UPF3B: variants seen among roughly 807,000 people sequenced by gnomAD.
UPF3B encodes UPF3B regulator of nonsense mediated mRNA decay.
A neutral mutation model predicts 40.3 loss-of-function variants in UPF3B; 7 were observed. That is an observed-to-expected ratio of 0.17 (90% CI 0.10 to 0.33). The LOEUF is 0.33. UPF3B is among the 10% of genes least tolerant of loss of function. UPF3B has a pLI of 1.00. For missense variants in UPF3B, 229 were observed against 358.9 expected, an observed-to-expected ratio of 0.64 and a Z score of 2.93; for synonymous variants, 117 against 117.3, an observed-to-expected ratio of 1.00 and a Z score of 0.01.
intron 6 of UPF3B, chrX:119,807,459 G>T: frequency 1.1e-6 from 1 of 884,389 alleles, no homozygotes; most frequent in Non-Finnish European, 1.4e-6. Flanking sequence ...TCTTTTCTAT[G>T]GTTAATATCA....
At chrX:119,842,677 C>CA (rs1324111617) in intron 5 of UPF3B, among the ~76,000 whole-genome samples, 1 of 106,782 alleles carries the variant, frequency 9.4e-6, no homozygotes, top group Non-Finnish European at 1.9e-5. Context: ...AACAAACAAA[C>CA]AAAAAAACCC....
At chrX:119,836,974 C>T (rs7890509) in intron 10 of UPF3B, among the ~76,000 whole-genome samples, 5,545 of 105,876 alleles carry the variant, frequency 0.052, 337 homozygotes, top group African/African-American at 0.18. Flanking sequence ...GACTGAGTCT[C>T]GCTCTGTTGC....
intron 5 of UPF3B, among the ~76,000 whole-genome samples, chrX:119,810,244 A>C (rs1022969603): frequency 2.7e-5 from 3 of 112,432 alleles, no homozygotes; most frequent in Admixed American, 9.5e-5. Context: ...CAAAGAACAG[A>C]GCTTTCAATG....
intron 5 of UPF3B, among the ~76,000 whole-genome samples, chrX:119,842,576 T>TCACACACACA (rs1491435021): frequency 1.4e-4 from 9 of 66,245 alleles, no homozygotes; most frequent in African/African-American, 8.0e-4. Flanking sequence ...CAAGACTCCA[T>TCACACACACA]CTCTCACACA....
At chrX:119,833,706 A>G (rs1004325160), downstream of UPF3B, among the ~76,000 whole-genome samples, 51 of 112,262 alleles carry the variant, frequency 4.5e-4, no homozygotes, top group African/African-American at 1.6e-3. Flanking sequence ...GGGTTTCACC[A>G]TGTTGGCCAG....
intron 6 of UPF3B, 32 bp from the exon 7 acceptor site, chrX:119,841,290 T>C (rs750744213): frequency 4.1e-5 from 49 of 1,199,140 alleles, no homozygotes; most frequent in Non-Finnish European, 5.4e-5. Context: ...AGCCTTCAAA[T>C]AAAATAATCA....
At chrX:119,811,474 C>T (rs779179338) in intron 5 of UPF3B, among the ~76,000 whole-genome samples, 89 of 109,611 alleles carry the variant, frequency 8.1e-4, no homozygotes, top group Non-Finnish European at 1.5e-3. Flanking sequence ...GGTGAAACCC[C>T]GTCTCTACTA....
chrX:119,811,726 C>A (rs920215308), intron 5 of UPF3B, among the ~76,000 whole-genome samples: 6 of 110,004 alleles, frequency 5.5e-5, no homozygotes, highest in African/African-American at 2.0e-4. Context: ...CTAAGGTGGG[C>A]GGATTGCTTG....
At chrX:119,845,461 A>G (rs1368416471) in intron 3 of UPF3B, among the ~76,000 whole-genome samples, 165 bp from the exon 4 acceptor site, 1 of 112,360 alleles carries the variant, frequency 8.9e-6, no homozygotes. Context: ...AACATACTAC[A>G]AAAGGAGCCA....
At chrX:119,811,956 G>C (rs1279995964) in intron 5 of UPF3B, among the ~76,000 whole-genome samples, 1 of 100,519 alleles carries the variant, frequency 9.9e-6, no homozygotes, top group Non-Finnish European at 2.0e-5. Flanking sequence ...TACCTCAAAA[G>C]AAAAAAAAAA....
intron 4 of UPF3B, among the ~76,000 whole-genome samples, chrX:119,816,355 C>G (rs1270076092): frequency 9.0e-6 from 1 of 111,625 alleles, no homozygotes; most frequent in Admixed American, 9.6e-5. Flanking sequence ...CGCGACCCTT[C>G]TGACATTGTG....
At chrX:119,813,348 T>A (rs1025250853) in intron 5 of UPF3B, among the ~76,000 whole-genome samples, 8 of 109,707 alleles carry the variant, frequency 7.3e-5, no homozygotes, top group Non-Finnish European at 1.3e-4. Flanking sequence ...CTCTCCATAG[T>A]GAGTTCTTAC....
At chrX:119,818,714 G>C (rs2055886060) in intron 4 of UPF3B, among the ~76,000 whole-genome samples, 1 of 112,366 alleles carries the variant, frequency 8.9e-6, no homozygotes, top group South Asian at 3.6e-4. Context: ...GACAAGAACA[G>C]AGATTTCAAC....
intron 3 of UPF3B, among the ~76,000 whole-genome samples, chrX:119,847,439 G>A (rs1054115631): frequency 3.7e-5 from 4 of 108,484 alleles, no homozygotes; most frequent in South Asian, 4.0e-4. Context: ...CAATGAGGGC[G>A]AAATTCCATC....
intron 5 of UPF3B, among the ~76,000 whole-genome samples, chrX:119,808,701 C>T (rs1290325362): frequency 9.3e-6 from 1 of 107,987 alleles, no homozygotes; most frequent in Non-Finnish European, 1.9e-5. Context: ...GAGGTGCTGA[C>T]GTGAAAACGG....
At position 119,834,568 on chromosome X, in the gene UPF3B, G is replaced by A. The variant is rs774337951; in HGVS notation, c.*310C>T. Reference sequence around the variant, plus strand: ...TAGAACCAGCTCTTACTTTTCTCTCGTGTCATATGTGATGAAGTCCTCACT... The same window carrying A: ...TAGAACCAGCTCTTACTTTTCTCTCATGTCATATGTGATGAAGTCCTCACT... On this transcript the variant is annotated 3_prime_UTR_variant, in exon 11 of 11. Coordinates refer to ENST00000276201, the MANE Select transcript of UPF3B (RefSeq NM_080632.3). 503 of 942,833 alleles carry A rather than the reference G, an allele frequency of 5.3e-4. 1 individual carries two copies. The highest frequency in any genetic ancestry group is 6.0e-4 in the Non-Finnish European group (451 of 757,593). The allele number at this position is 942,833 out of a possible 1,213,427, so 77.7% of individuals were successfully genotyped here.
intron 10 of UPF3B, among the ~76,000 whole-genome samples, chrX:119,836,652 AT>A (rs1189730878): frequency 0.042 from 4,064 of 96,605 alleles, 196 homozygotes; most frequent in African/African-American, 0.14. Flanking sequence ...ATACTATTCG[AT>A]TTTTTTTTTT....
rs1051859365 is a variant in UPF3B at position 119,808,230 on chromosome X, C to G, written c.603-649G>C. 9.0e-5 allele frequency among the ~76,000 whole-genome samples: 10 copies of G among 111,363 alleles called. 1 individual carries two copies. The highest frequency in any genetic ancestry group is 2.6e-4 in the African/African-American group (8 of 30,766). The stretch of plus-strand genomic sequence containing the variant: ...TGCTTTATGAGGAAGTGGTCCTCAC[C>G]CCCACTGCCTACAACACAAGAAAGG... On this transcript the variant is annotated intron_variant, in intron 5 of 6. Coordinates refer to the UPF3B transcript ENST00000636792.
intron 8 of UPF3B, 125 bp downstream of exon 8, chrX:119,840,521 C>T (rs941113425): frequency 1.8e-6 from 1 of 556,058 alleles, no homozygotes; most frequent in African/African-American, 2.4e-5. Context: ...TAAGAAGACT[C>T]AAGTCAACCT....
Sources: allele counts gnomAD v4.1 joint callset (sites outside exome capture counted in the v4.1 genomes callset), GRCh38; gene constraint gnomAD v4.1.1; transcripts MANE v1.5; gene names NCBI Gene and HGNC (gene_info 2026-07-23, HGNC 2026-07-21).